The following ERI1 variants were observed in gnomAD, a reference collection of about 807,000 sequenced individuals.
The protein encoded by ERI1 is exoribonuclease 1, also known as 3'-5' exoribonuclease 1.
A neutral mutation model predicts 39.7 loss-of-function variants in ERI1; 39 were observed. The ratio of observed to expected loss-of-function variants is 0.98; its 90% confidence interval spans 0.76 to 1.28. The LOEUF (loss-of-function observed/expected upper bound fraction) is 1.28. Among genes scored for constraint, ERI1 ranks in the 50% most tolerant of loss-of-function variants. ERI1 has a pLI of 0.00. For synonymous variants in ERI1, 204 were observed against 149.6 expected, an observed-to-expected ratio of 1.36 and a Z score of -2.65; for missense variants, 581 against 416.9, an observed-to-expected ratio of 1.39 and a Z score of -3.43.
At chr8:9,058,241 G>A (rs1798576431) in intron 3 of ERI1, among the ~76,000 whole-genome samples, 1 of 152,226 alleles carries the variant, frequency 6.6e-6, no homozygotes, top group South Asian at 2.1e-4. Context: ...CGGCAGAGCT[G>A]ATGGGATTTC....
intron 3 of ERI1, among the ~76,000 whole-genome samples, chr8:9,064,275 A>G (rs1585275352): frequency 6.6e-6 from 1 of 151,282 alleles, no homozygotes; most frequent in East Asian, 2.0e-4. Context: ...AAAAGCAGAG[A>G]AGGGGTGGAG....
In ERI1 at chr8:9,084,780, C is replaced by T. The variant is rs182970406; in HGVS notation, n.300-31568C>T. ...TTACACACTAGCTAGAGAGATTCCACTGACTTTTACCAGATAGCTGGACTG... is the reference window on the plus strand; with the variant it reads ...TTACACACTAGCTAGAGAGATTCCATTGACTTTTACCAGATAGCTGGACTG... On this transcript the variant is annotated intron_variant and non_coding_transcript_variant, in intron 3 of 3. Transcript: ENST00000518663. Among the ~76,000 whole-genome samples, 4 of 152,304 alleles carry T rather than the reference C, an allele frequency of 2.6e-5. No homozygotes were observed. The East Asian group carries it at 7.7e-4, about 29-fold the overall frequency.
Position 9,030,139 on chromosome 8 carries a change from C to A in ERI1, c.*105C>A. 5 of 1,401,068 alleles carry A rather than the reference C, an allele frequency of 3.6e-6. No homozygotes were observed. Among genetic ancestry groups the A allele is most frequent in the Non-Finnish European group, 3.9e-6 (4 of 1,028,202 alleles). 86.8% of individuals were successfully genotyped at this position (1,401,068 alleles called of 1,614,324 possible). A position where few individuals can be genotyped will look rare whatever the true frequency, so the allele number is the denominator to read the frequency against. On this transcript the variant is annotated 3_prime_UTR_variant, in exon 7 of 7. Coordinates refer to ENST00000250263, the MANE Select transcript of ERI1 (RefSeq NM_153332.4). The stretch of plus-strand genomic sequence containing the variant: ...AGTGCAAACTTTAAGCACCTTAAAA[C>A]ATTTAAAATCTTATTACAGGTGATA...
rs528533412 is a variant in ERI1, at chr8:9,017,859, C to T, written c.583-438C>T. 1.5e-4 allele frequency among the ~76,000 whole-genome samples: 23 copies of T among 152,194 alleles called. No individual in the cohort carries two copies. The East Asian group carries it at 4.0e-3, about 27-fold the overall frequency. ...GGATTTAAGTATGAGAGTGATAGGG[C>T]GGACCCGATTTACGTTTTAGGAAGA... On this transcript the variant is annotated intron_variant, in intron 4 of 6. Transcript: ENST00000250263.
intron 3 of ERI1, among the ~76,000 whole-genome samples, chr8:9,092,026 G>A (rs978283012): frequency 1.1e-4 from 17 of 152,066 alleles, no homozygotes; most frequent in African/African-American, 2.4e-4. Flanking sequence ...GTGCAATCTC[G>A]GCTCACTGCA....
At chr8:9,056,816 G>T (rs145210515) in intron 3 of ERI1, among the ~76,000 whole-genome samples, 32 of 152,078 alleles carry the variant, frequency 2.1e-4, no homozygotes, top group African/African-American at 7.7e-4. Context: ...CATCAATTAC[G>T]TGGGAACACT....
At chr8:9,096,861 G>C (rs28393018) in intron 3 of ERI1, 2 of 151,858 alleles carry the variant, frequency 1.3e-5, no homozygotes, top group Non-Finnish European at 2.9e-5. Context: ...GATTACAGGC[G>C]TGAGTCACTG....
intron 3 of ERI1, among the ~76,000 whole-genome samples, chr8:9,079,599 C>A (rs977301970): frequency 2.6e-5 from 4 of 152,082 alleles, no homozygotes; most frequent in African/African-American, 4.8e-5. Context: ...ATAGTTTAGC[C>A]GAAGTGAGGA....
At chr8:9,024,853 C>G (rs1818305083) in intron 6 of ERI1, among the ~76,000 whole-genome samples, 1 of 151,740 alleles carries the variant, frequency 6.6e-6, no homozygotes, top group Non-Finnish European at 1.5e-5. Flanking sequence ...TACAAATACT[C>G]AATTTTAGAT....
intron 3 of ERI1, among the ~76,000 whole-genome samples, chr8:9,039,056 A>G (rs1797940169): frequency 6.6e-6 from 1 of 152,200 alleles, no homozygotes; most frequent in African/African-American, 2.4e-5. Context: ...CCTAACTTTT[A>G]GAAGTGTTTA....
At chr8:9,036,600 C>A (rs993679058), downstream of ERI1, among the ~76,000 whole-genome samples, 1 of 152,104 alleles carries the variant, frequency 6.6e-6, no homozygotes, top group South Asian at 2.1e-4. Flanking sequence ...TGTGATACTC[C>A]CTTTATTGCA....
At chr8:9,072,786 G>T (rs913283789) in intron 3 of ERI1, among the ~76,000 whole-genome samples, 1 of 152,098 alleles carries the variant, frequency 6.6e-6, no homozygotes, top group African/African-American at 2.4e-5. Flanking sequence ...CCCCACTCCC[G>T]ACAGAAGCAG....
In ERI1 at chr8:9,016,958, C is replaced by T. The variant is rs189637374; in HGVS notation, c.582+553C>T. ...TCGGCCTGCCAAAGTGCTGGGATTA[C>T]AGACGTGAGCCACCATGCCCAGCCA... On this transcript the variant is annotated intron_variant, in intron 4 of 6. Transcript: ENST00000250263. Among the ~76,000 whole-genome samples the T allele has an allele frequency of 7.8e-3, 1,187 of 152,310 alleles. 20 individuals are homozygous for T. The highest frequency in any genetic ancestry group is 0.027 in the African/African-American group (1,129 of 41,560).
intron 3 of ERI1, among the ~76,000 whole-genome samples, chr8:9,081,222 C>T (rs1275348248): frequency 1.3e-5 from 2 of 152,208 alleles, no homozygotes; most frequent in Non-Finnish European, 2.9e-5. Flanking sequence ...CCAGGACCCT[C>T]TGTTGACACA....
At chr8:9,084,466 G>A (rs1475857960) in intron 3 of ERI1, among the ~76,000 whole-genome samples, 1 of 152,148 alleles carries the variant, frequency 6.6e-6, no homozygotes, top group African/African-American at 2.4e-5. Flanking sequence ...TTATCATTGT[G>A]TAGTTGCCTG....
intron 3 of ERI1, among the ~76,000 whole-genome samples, chr8:9,069,142 A>G (rs1045352795): frequency 1.3e-5 from 2 of 152,208 alleles, no homozygotes; most frequent in Non-Finnish European, 2.9e-5. Flanking sequence ...TTAAAAGGAC[A>G]AAAGGGTTGT....
At chr8:9,012,686 C>T (rs1266688647) in intron 3 of ERI1, among the ~76,000 whole-genome samples, 1 of 152,172 alleles carries the variant, frequency 6.6e-6, no homozygotes, top group East Asian at 1.9e-4. Context: ...GTTACTGTAG[C>T]AGTTCTCCCT....
intron 5 of ERI1, among the ~76,000 whole-genome samples, chr8:9,019,410 A>T (rs1329704906): frequency 1.3e-5 from 2 of 152,238 alleles, no homozygotes; most frequent in Non-Finnish European, 2.9e-5. Flanking sequence ...TTAGAAATCC[A>T]TTACTGATTT....
chr8:9,092,579 CG>C (rs1563101013), intron 3 of ERI1, among the ~76,000 whole-genome samples: 3 of 152,284 alleles, frequency 2.0e-5, no homozygotes, highest in Admixed American at 1.3e-4. Flanking sequence ...TGTTTTCCTT[CG>C]GTCTTTCTCA....
Sources: allele counts gnomAD v4.1 joint callset (sites outside exome capture counted in the v4.1 genomes callset), GRCh38; gene constraint gnomAD v4.1.1; transcripts MANE v1.5; gene names NCBI Gene and HGNC (gene_info 2026-07-23, HGNC 2026-07-21).